PSTPIP2: variants seen among roughly 807,000 people sequenced by gnomAD.
PSTPIP2 encodes the protein proline-serine-threonine phosphatase-interacting protein 2.
PSTPIP2 carries 33 observed loss-of-function variants against 63.3 expected under a neutral mutation model. The observed-to-expected ratio is 0.52, with a 90% CI of 0.40 to 0.70. PSTPIP2 has a LOEUF of 0.70. Ranked by LOEUF, PSTPIP2 falls within the 30% of genes least tolerant of loss-of-function variation. PSTPIP2 has a pLI of 0.00. For missense variants in PSTPIP2, 312 were observed against 400.7 expected, an observed-to-expected ratio of 0.78 and a Z score of 1.89; for synonymous variants, 125 against 132.7, an observed-to-expected ratio of 0.94 and a Z score of 0.40.
intron 2 of PSTPIP2, among the ~76,000 whole-genome samples, chr18:46,031,731 CTT>C (rs1276215397): frequency 5.3e-5 from 8 of 152,142 alleles, no homozygotes; most frequent in Admixed American, 1.3e-4. Context: ...TCTTTAGACT[CTT>C]TTGTTGTTTC....
chr18:45,992,960 A>G (rs891019022), intron 10 of PSTPIP2, among the ~76,000 whole-genome samples: 1 of 151,658 alleles, frequency 6.6e-6, no homozygotes, highest in East Asian at 2.0e-4. Flanking sequence ...TCCTGACCAC[A>G]GGCAATCCGC....
At chr18:45,986,903 T>C (rs2051473225) in intron 14 of PSTPIP2, among the ~76,000 whole-genome samples, 1 of 152,224 alleles carries the variant, frequency 6.6e-6, no homozygotes, top group Non-Finnish European at 1.5e-5. Context: ...AGTGGCGCAA[T>C]CTCAGCTCAC....
At chr18:46,012,920 A>G (rs2051815936) in intron 4 of PSTPIP2, among the ~76,000 whole-genome samples, 1 of 152,234 alleles carries the variant, frequency 6.6e-6, no homozygotes, top group African/African-American at 2.4e-5. Flanking sequence ...GACCACTGCC[A>G]TGGTATAATA....
intron 2 of PSTPIP2, among the ~76,000 whole-genome samples, chr18:46,025,513 C>A (rs146784247): frequency 6.6e-6 from 1 of 152,060 alleles, no homozygotes; most frequent in Non-Finnish European, 1.5e-5. Flanking sequence ...ATATGTGTAA[C>A]TTTCATGTTT....
At chr18:45,993,522 GAAC>G (rs1298840464) in intron 10 of PSTPIP2, 80 bp downstream of exon 10, 1 of 1,355,234 alleles carries the variant, frequency 7.4e-7, no homozygotes. Context: ...AGGGCAAAGT[GAAC>G]CAATCAATAT....
At chr18:46,025,482 GC>G (rs1907544869) in intron 2 of PSTPIP2, among the ~76,000 whole-genome samples, 1 of 151,990 alleles carries the variant, frequency 6.6e-6, no homozygotes, top group Admixed American at 6.6e-5. Flanking sequence ...GCATTTACAT[GC>G]CCATATCTCA....
chr18:46,022,279 GTA>G (rs1043718606), intron 3 of PSTPIP2, among the ~76,000 whole-genome samples: 3 of 85,940 alleles, frequency 3.5e-5, no homozygotes, highest in African/African-American at 8.8e-5. Context: ...GAGTGTGTGT[GTA>G]TGTGTGTGTG....
chr18:46,040,908 G>A (rs1296319510), intron 1 of PSTPIP2: 1 of 420,464 alleles, frequency 2.4e-6, no homozygotes, highest in African/African-American at 2.0e-5. Flanking sequence ...AGAGGGAGAA[G>A]GAGCTGGGCG....
intron 2 of PSTPIP2, among the ~76,000 whole-genome samples, chr18:46,038,238 G>A (rs930050224): frequency 6.6e-6 from 1 of 152,332 alleles, no homozygotes; most frequent in African/African-American, 2.4e-5. Flanking sequence ...TAAATTAACA[G>A]GGTAGTCCTG....
At chr18:46,046,773 A>G (rs772200390) in intron 1 of PSTPIP2, among the ~76,000 whole-genome samples, 34 of 152,338 alleles carry the variant, frequency 2.2e-4, no homozygotes, top group Non-Finnish European at 4.4e-4. Flanking sequence ...TCATTGTTTA[A>G]AAAACCTCCA....
intron 1 of PSTPIP2, among the ~76,000 whole-genome samples, chr18:46,057,073 C>T (rs1294597977): frequency 6.6e-6 from 1 of 152,134 alleles, no homozygotes; most frequent in African/African-American, 2.4e-5. Context: ...CATTGCACTC[C>T]AGCCTGGGCG....
chr18:46,061,306 CAAAAA>C (rs112035966), intron 1 of PSTPIP2, among the ~76,000 whole-genome samples: 1 of 115,952 alleles, frequency 8.6e-6, no homozygotes. Flanking sequence ...TCCATTTCAC[CAAAAA>C]AAAAAAAAAA....
rs115340457 is a variant in PSTPIP2, at chr18:46,030,673, T to A, written c.135-5987A>T. On this transcript the variant is annotated intron_variant, in intron 2 of 14. Transcript: ENST00000409746. ...ATTCATTTCTTGCTTGACTAAATTT[T>A]ATCACTACGTAATCTTTTGCCAAAA... Among the ~76,000 whole-genome samples the A allele has an allele frequency of 3.3e-3, 503 of 152,388 alleles. 3 individuals are homozygous for A. The highest frequency in any genetic ancestry group is 0.012 in the African/African-American group (480 of 41,594).
chr18:46,029,465 G>A (rs559001548), intron 2 of PSTPIP2: 89 of 1,167,930 alleles, frequency 7.6e-5, no homozygotes, highest in Non-Finnish European at 1.0e-4. Context: ...TAACAGATTT[G>A]TTGATTAAGG....
chr18:46,026,627 G>A (rs1435829610), intron 2 of PSTPIP2, among the ~76,000 whole-genome samples: 1 of 152,218 alleles, frequency 6.6e-6, no homozygotes, highest in African/African-American at 2.4e-5. Flanking sequence ...TGTAATCCCA[G>A]CACTTTGGGA....
chr18:46,014,557 T>C (rs778969237), intron 4 of PSTPIP2, among the ~76,000 whole-genome samples: 2 of 151,740 alleles, frequency 1.3e-5, no homozygotes, highest in Non-Finnish European at 2.9e-5. Context: ...CTATGAGAAG[T>C]AAAAAATTAG....
intron 2 of PSTPIP2, among the ~76,000 whole-genome samples, chr18:46,027,693 T>C (rs757284603): frequency 1.3e-5 from 2 of 151,764 alleles, no homozygotes; most frequent in Non-Finnish European, 2.9e-5. Flanking sequence ...CTGTATAAAA[T>C]AAAATAAAAT....
chr18:46,043,849 G>A (rs1908282520), intron 1 of PSTPIP2, among the ~76,000 whole-genome samples: 1 of 152,038 alleles, frequency 6.6e-6, no homozygotes, highest in Non-Finnish European at 1.5e-5. Flanking sequence ...CTATATACCG[G>A]TGGAAAAAAA....
intron 3 of PSTPIP2, among the ~76,000 whole-genome samples, chr18:46,016,507 G>A (rs2051853632): frequency 6.6e-6 from 1 of 152,118 alleles, no homozygotes; most frequent in African/African-American, 2.4e-5. Context: ...CATAAACCAT[G>A]GGCCAGGCAT....
Sources: gnomAD v4.1 joint callset for allele counts (sites outside exome capture counted in the v4.1 genomes callset) on GRCh38, gnomAD v4.1.1 for gene constraint, MANE v1.5 for transcripts, NCBI Gene and HGNC (gene_info 2026-07-23, HGNC 2026-07-21) for gene names.